KLHDC2: variants seen among roughly 807,000 people sequenced by gnomAD.
The protein encoded by KLHDC2 is kelch domain-containing protein 2.
Under a neutral mutation model 62.3 loss-of-function variants are expected in KLHDC2, and 38 were observed. The ratio of observed to expected loss-of-function variants is 0.61; its 90% confidence interval spans 0.47 to 0.80. The LOEUF is 0.80. Among genes scored for constraint, KLHDC2 ranks in the 30% least tolerant of loss-of-function variants. The probability of loss-of-function intolerance (pLI) is 0.00; values close to 1 mark genes in which losing one functional copy is unlikely to be tolerated. For synonymous variants in KLHDC2, 159 were observed against 161.0 expected, an observed-to-expected ratio of 0.99 and a Z score of 0.09; for missense variants, 430 against 495.3, an observed-to-expected ratio of 0.87 and a Z score of 1.25.
intron 1 of KLHDC2, 123 bp downstream of exon 1, chr14:49,768,744 C>T (rs946270966): frequency 3.4e-6 from 3 of 874,728 alleles, no homozygotes; most frequent in South Asian, 1.9e-5. Context: ...GCGCGCCCCA[C>T]CTCAGACTCT....
chr14:49,774,484 AAGT>A (rs1889730381), intron 2 of KLHDC2, 74 bp from the exon 3 acceptor site: 2 of 884,246 alleles, frequency 2.3e-6, no homozygotes, highest in Admixed American at 1.8e-5. Flanking sequence ...GTGAGGATAT[AAGT>A]AGAAGAAGAA....
Position 49,785,217 on chromosome 14 carries a change from T to C in KLHDC2, c.*2264T>C. On this transcript the variant is annotated 3_prime_UTR_variant, in exon 13 of 13. Coordinates refer to ENST00000298307, the MANE Select transcript of KLHDC2 (RefSeq NM_014315.3). ...GCCATTCTGTCAACTAATGGTAACT[T>C]ACTTGTAGTTTGTCATGGTGGTGTA... 1 of 1,611,488 alleles carries C rather than the reference T, an allele frequency of 6.2e-7. No individual in the cohort carries two copies. Among genetic ancestry groups the C allele is most frequent in the Non-Finnish European group, 8.5e-7 (1 of 1,177,566 alleles).
chr14:49,785,188 A>C lies in KLHDC2; in HGVS notation c.*2235A>C. On this transcript the variant is annotated 3_prime_UTR_variant, in exon 13 of 13. Coordinates refer to ENST00000298307, the MANE Select transcript of KLHDC2 (RefSeq NM_014315.3). The stretch of plus-strand genomic sequence containing the variant: ...AAATAGACGTTACAAAACAATTCAC[A>C]AAAGCCATTCTGTCAACTAATGGTA... The C allele has an allele frequency of 1.2e-6, 2 of 1,605,982 alleles. No homozygotes were observed. The highest frequency in any genetic ancestry group is 1.7e-6 in the Non-Finnish European group (2 of 1,172,592).
chr14:49,779,259 T>C (rs1431049164), intron 6 of KLHDC2, among the ~76,000 whole-genome samples: 1 of 152,226 alleles, frequency 6.6e-6, no homozygotes, highest in East Asian at 1.9e-4. Context: ...TTTGTATTAC[T>C]TAAATATTAG....
chr14:49,777,433 A>G (rs1341318121), intron 3 of KLHDC2, among the ~76,000 whole-genome samples: 1 of 152,104 alleles, frequency 6.6e-6, no homozygotes, highest in Non-Finnish European at 1.5e-5. Context: ...GGAAAAGAAA[A>G]TGTACGGCTG....
intron 3 of KLHDC2, 73 bp from the exon 4 acceptor site, chr14:49,777,766 A>G (rs963173772): frequency 1.2e-6 from 1 of 804,074 alleles, no homozygotes; most frequent in Non-Finnish European, 2.0e-6. Flanking sequence ...ATCATAAATC[A>G]TAGTAAAATT....
At chr14:49,768,722 C>A in intron 1 of KLHDC2, 101 bp downstream of exon 1, 1 of 1,164,306 alleles carries the variant, frequency 8.6e-7, no homozygotes, top group South Asian at 1.7e-5. Context: ...GAGGGCGCTC[C>A]CCGCCTGCGT....
rs1594704370 is a variant in KLHDC2 at position 49,779,745 on chromosome 14, T to C, written c.715-3T>C. 3 of 1,608,148 alleles carry C rather than the reference T, an allele frequency of 1.9e-6. No homozygotes were observed. The highest frequency in any genetic ancestry group is 1.3e-5 in the African/African-American group (1 of 74,926). ...AAATGATAACTTAATTATCCTTTTT[T>C]AGGATGCTAGAATGAATGATCTTCA... On this transcript the variant is annotated splice_polypyrimidine_tract_variant and splice_region_variant and intron_variant, in intron 7 of 12. Transcript: ENST00000298307.
intron 3 of KLHDC2, among the ~76,000 whole-genome samples, chr14:49,776,928 AAG>A (rs1419258848): frequency 2.1e-3 from 61 of 28,562 alleles, no homozygotes; most frequent in Admixed American, 4.1e-3. Context: ...ACCAAAAAAA[AAG>A]AAATATATAT....
At chr14:49,780,504 AC>A (rs1889871319) in intron 9 of KLHDC2, 182 bp downstream of exon 9, 3 of 634,940 alleles carry the variant, frequency 4.7e-6, no homozygotes, top group Non-Finnish European at 5.6e-6. Flanking sequence ...TCAATAAAGA[AC>A]CTGGAGCACT....
intron 10 of KLHDC2, among the ~76,000 whole-genome samples, chr14:49,781,369 C>CAAA (rs1555343492): frequency 0.01 from 1,236 of 121,486 alleles, 2 homozygotes; most frequent in Middle Eastern, 0.018. Context: ...AACTCTGTCT[C>CAAA]AAAAAAAAAA....
intron 6 of KLHDC2, among the ~76,000 whole-genome samples, chr14:49,778,726 CT>C (rs1247617795): frequency 3.6e-3 from 523 of 143,790 alleles, no homozygotes; most frequent in South Asian, 8.4e-3. Context: ...TAATCTAATA[CT>C]TTTTTTTTTT....
Position 49,784,835 on chromosome 14 carries a change from A to G in KLHDC2, c.*1882A>G. The G allele has an allele frequency of 2.1e-6, 3 of 1,404,836 alleles. No individual in the cohort carries two copies. Among genetic ancestry groups the G allele is most frequent in the Non-Finnish European group, 3.0e-6 (3 of 1,000,958 alleles). The allele number at this position is 1,404,836 out of a possible 1,614,324, so 87.0% of individuals were successfully genotyped here. On this transcript the variant is annotated 3_prime_UTR_variant, in exon 13 of 13. Coordinates refer to ENST00000298307, the MANE Select transcript of KLHDC2 (RefSeq NM_014315.3). Reference sequence around the variant, plus strand: ...AGATGGTTTTACTGCTTCTAATAAGACAGCATTTTCTACTAAAATAACAAA... The same window carrying G: ...AGATGGTTTTACTGCTTCTAATAAGGCAGCATTTTCTACTAAAATAACAAA...
intron 6 of KLHDC2, among the ~76,000 whole-genome samples, chr14:49,779,375 A>G (rs757128478): frequency 3.9e-5 from 6 of 152,216 alleles, no homozygotes; most frequent in South Asian, 2.1e-4. Context: ...AAAGCAGCCT[A>G]TTGTGTTAGC....
intron 2 of KLHDC2, 69 bp from the exon 3 acceptor site, chr14:49,774,492 G>C: frequency 1.0e-6 from 1 of 969,720 alleles, no homozygotes; most frequent in African/African-American, 1.6e-5. Context: ...ATAAGTAGAA[G>C]AAGAAAAATT....
intron 10 of KLHDC2, 67 bp downstream of exon 10, chr14:49,780,842 T>TA: frequency 2.4e-6 from 2 of 839,510 alleles, no homozygotes; most frequent in Non-Finnish European, 4.1e-6. Flanking sequence ...GGCTGCATTA[T>TA]ATCCAGCATT....
rs1890109800 is a variant in KLHDC2 at position 49,785,178 on chromosome 14, A to G, written c.*2225A>G. On this transcript the variant is annotated 3_prime_UTR_variant, in exon 13 of 13. Coordinates refer to ENST00000298307, the MANE Select transcript of KLHDC2 (RefSeq NM_014315.3). ...ATGTGTTACTAAATAGACGTTACAA[A>G]ACAATTCACAAAAGCCATTCTGTCA... 1 of 1,603,330 alleles carries G rather than the reference A, an allele frequency of 6.2e-7. No individual in the cohort carries two copies. The highest frequency in any genetic ancestry group is 1.7e-5 in the Admixed American group (1 of 59,982).
chr14:49,771,346 C>T (rs1309054188), intron 1 of KLHDC2, among the ~76,000 whole-genome samples: 1 of 145,834 alleles, frequency 6.9e-6, no homozygotes, highest in Non-Finnish European at 1.5e-5. Context: ...GAGACTTGGA[C>T]TAAAAAAAAA....
At chr14:49,776,354 CTGAA>C (rs1017539911) in intron 3 of KLHDC2, among the ~76,000 whole-genome samples, 1 of 152,018 alleles carries the variant, frequency 6.6e-6, no homozygotes, top group African/African-American at 2.4e-5. Context: ...TTAAGTTTGA[CTGAA>C]TGGAAGCTTG....
Sources: allele counts gnomAD v4.1 joint callset (sites outside exome capture counted in the v4.1 genomes callset), GRCh38; gene constraint gnomAD v4.1.1; transcripts MANE v1.5; gene names NCBI Gene and HGNC (gene_info 2026-07-23, HGNC 2026-07-21).